The following GPC5 variants were observed in gnomAD, a reference collection of about 807,000 sequenced individuals.
GPC5 encodes glypican-5.
GPC5 carries 47 observed loss-of-function variants against 53.9 expected under a neutral mutation model. That is an observed-to-expected ratio of 0.87 (90% CI 0.69 to 1.11). GPC5 has a LOEUF of 1.11. GPC5 is among the 50% of genes most tolerant of loss of function. The pLI, the probability that GPC5 is intolerant of heterozygous loss-of-function variation, is 0.00. For synonymous variants in GPC5, 286 were observed against 263.3 expected, an observed-to-expected ratio of 1.09 and a Z score of -0.84; for missense variants, 748 against 713.1, an observed-to-expected ratio of 1.05 and a Z score of -0.56.
chr13:92,236,664 A>G (rs544607347), intron 7 of GPC5, among the ~76,000 whole-genome samples: 4 of 152,262 alleles, frequency 2.6e-5, no homozygotes, highest in African/African-American at 9.6e-5. Flanking sequence ...TTTGAGAACT[A>G]GACACTTTAT....
chr13:92,277,848 T>C (rs2042886740), intron 7 of GPC5, among the ~76,000 whole-genome samples: 1 of 151,866 alleles, frequency 6.6e-6, no homozygotes, highest in African/African-American at 2.4e-5. Flanking sequence ...GGCATAGAAA[T>C]ATGATGGGCA....
chr13:91,409,307 G>A (rs1877555090), intron 1 of GPC5, among the ~76,000 whole-genome samples: 1 of 152,094 alleles, frequency 6.6e-6, no homozygotes, highest in South Asian at 2.1e-4. Context: ...CAACTTAAAA[G>A]GTAAAGGGAA....
At chr13:92,796,180 C>T (rs992148060) in intron 7 of GPC5, among the ~76,000 whole-genome samples, 3 of 151,972 alleles carry the variant, frequency 2.0e-5, no homozygotes, top group Admixed American at 2.0e-4. Context: ...TATTATGCAA[C>T]CATAAAAAAG....
intron 7 of GPC5, among the ~76,000 whole-genome samples, chr13:92,239,513 A>G (rs1363555312): frequency 6.6e-6 from 1 of 151,968 alleles, no homozygotes; most frequent in Non-Finnish European, 1.5e-5. Flanking sequence ...ACAACACACC[A>G]CTACACACCT....
At chr13:91,629,495 T>C (rs917621855) in intron 2 of GPC5, among the ~76,000 whole-genome samples, 4 of 151,844 alleles carry the variant, frequency 2.6e-5, no homozygotes, top group African/African-American at 9.7e-5. Flanking sequence ...GTACAAAAAT[T>C]TGCTGGGCGT....
chr13:92,681,132 C>T lies in GPC5; in HGVS notation c.1562-185150C>T, dbSNP rs190046102. ...TAGTAGCATTTAGTTTTAACCTCAT[C>T]CCTTAACTTAAAATCGACATGGCCT... On this transcript the variant is annotated intron_variant, in intron 7 of 7. Transcript: ENST00000377067. Among the ~76,000 whole-genome samples the T allele has an allele frequency of 5.8e-3, 885 of 151,844 alleles. 4 individuals carry two copies. The highest frequency in any genetic ancestry group is 8.8e-3 in the Non-Finnish European group (596 of 67,964).
At chr13:92,032,970 G>A (rs1024217669) in intron 6 of GPC5, among the ~76,000 whole-genome samples, 5 of 151,686 alleles carry the variant, frequency 3.3e-5, no homozygotes, top group Non-Finnish European at 7.4e-5. Context: ...TATGCTTAGC[G>A]CTATCTCCAG....
At chr13:92,149,695 A>C (rs1044215972) in intron 7 of GPC5, among the ~76,000 whole-genome samples, 5 of 152,046 alleles carry the variant, frequency 3.3e-5, no homozygotes, top group Admixed American at 6.6e-5. Context: ...TAGAGTGAGC[A>C]AAAGTTCTTG....
At chr13:92,262,012 G>A (rs1227412517) in intron 7 of GPC5, among the ~76,000 whole-genome samples, 1 of 152,092 alleles carries the variant, frequency 6.6e-6, no homozygotes, top group African/African-American at 2.4e-5. Context: ...TCCAGTATTT[G>A]TAGTCAGGCT....
At chr13:92,592,130 C>G (rs185290518) in intron 7 of GPC5, among the ~76,000 whole-genome samples, 1 of 152,226 alleles carries the variant, frequency 6.6e-6, no homozygotes, top group South Asian at 2.1e-4. Flanking sequence ...CCATATTCCA[C>G]CATTGCTCCT....
At chr13:92,243,805 A>G (rs1019011257) in intron 7 of GPC5, among the ~76,000 whole-genome samples, 1 of 152,162 alleles carries the variant, frequency 6.6e-6, no homozygotes, top group Non-Finnish European at 1.5e-5. Flanking sequence ...TTAAAACCTG[A>G]GAGTAGATCT....
At chr13:91,833,529 C>G (rs1382212795) in intron 5 of GPC5, among the ~76,000 whole-genome samples, 1 of 152,166 alleles carries the variant, frequency 6.6e-6, no homozygotes, top group Non-Finnish European at 1.5e-5. Context: ...AATCCAGCAG[C>G]ACATCAAAAA....
chr13:92,169,242 C>T (rs780077247), intron 7 of GPC5, among the ~76,000 whole-genome samples: 8 of 152,144 alleles, frequency 5.3e-5, no homozygotes, highest in Admixed American at 2.0e-4. Flanking sequence ...GGGCTTAATA[C>T]GTAGGTGATG....
intron 7 of GPC5, among the ~76,000 whole-genome samples, chr13:92,632,427 T>C (rs1296241964): frequency 1.3e-5 from 2 of 148,496 alleles, no homozygotes; most frequent in Admixed American, 1.3e-4. Flanking sequence ...ACATTATCCA[T>C]AGCTTTTCTA....
At chr13:91,435,252 C>A (rs1879838237) in intron 1 of GPC5, among the ~76,000 whole-genome samples, 1 of 152,164 alleles carries the variant, frequency 6.6e-6, no homozygotes, top group African/African-American at 2.4e-5. Context: ...AGAGGGCATC[C>A]CTGTCTTGTG....
At chr13:92,329,761 A>C (rs1394767918) in intron 7 of GPC5, among the ~76,000 whole-genome samples, 1 of 152,182 alleles carries the variant, frequency 6.6e-6, no homozygotes, top group African/African-American at 2.4e-5. Flanking sequence ...AACCATGGTG[A>C]TAGGATTCTA....
intron 7 of GPC5, among the ~76,000 whole-genome samples, chr13:92,673,653 C>T (rs924431073): frequency 1.1e-4 from 17 of 152,194 alleles, no homozygotes; most frequent in East Asian, 3.9e-4. Context: ...AACAGAAATA[C>T]CTGATGGAAT....
chr13:91,885,028 G>T (rs187152591), intron 5 of GPC5, among the ~76,000 whole-genome samples: 11 of 151,854 alleles, frequency 7.2e-5, no homozygotes, highest in Non-Finnish European at 1.6e-4. Flanking sequence ...ATACTATTGT[G>T]GTAAATAATC....
chr13:91,702,815 A>G (rs1176811034), intron 3 of GPC5, among the ~76,000 whole-genome samples: 2 of 152,062 alleles, frequency 1.3e-5, no homozygotes, highest in Admixed American at 6.5e-5. Flanking sequence ...TTTTTCATCA[A>G]TTTTTATAGT....
Sources: gnomAD v4.1 joint callset for allele counts (sites outside exome capture counted in the v4.1 genomes callset) on GRCh38, gnomAD v4.1.1 for gene constraint, MANE v1.5 for transcripts, NCBI Gene and HGNC (gene_info 2026-07-23, HGNC 2026-07-21) for gene names.